GOLGA3: variants seen among roughly 807,000 people sequenced by gnomAD.
GOLGA3 encodes golgin A3.
GOLGA3 carries 75 observed loss-of-function variants against 169.4 expected under a neutral mutation model. That is an observed-to-expected ratio of 0.44 (90% CI 0.37 to 0.54). The LOEUF (loss-of-function observed/expected upper bound fraction) is 0.54. Among genes scored for constraint, GOLGA3 ranks in the 20% least tolerant of loss-of-function variants. The pLI is 0.00. For missense variants in GOLGA3, 1,899 were observed against 1,930.0 expected (o/e 0.98, Z 0.30); for synonymous variants, 824 against 822.4 (o/e 1.00, Z -0.03).
Position 132,770,592 on chromosome 12 carries a change from GCTCCCCACTGAAT to G in GOLGA3, c.*2500_*2512del, listed in dbSNP as rs2044856886. ...GACTTCCCATAAGCAAGGAGAAGTC[GCTCCCCACTGAAT>G]GTGTGATTTCTCGATTTTAGATTTT... On this transcript the variant is annotated 3_prime_UTR_variant, in exon 24 of 24. Coordinates refer to ENST00000450791, the MANE Select transcript of GOLGA3 (RefSeq NM_001389683.1). 6.6e-6 allele frequency: 1 copy of G among 152,094 alleles called. No homozygotes were observed. 9.4% of individuals were successfully genotyped at this position (152,094 alleles called of 1,614,324 possible).
At position 132,777,395 on chromosome 12, in the gene GOLGA3, C is replaced by G. The variant is rs925983734; in HGVS notation, c.3722+271G>C. Among the ~76,000 whole-genome samples the G allele has an allele frequency of 6.6e-6, 1 of 152,074 alleles. No individual in the cohort carries two copies. The highest frequency in any genetic ancestry group is 1.5e-5 in the Non-Finnish European group (1 of 68,018). ...CATGGGACCCACAGAGCCACAGCAT[C>G]AGCCCCGCGCCGGGCCGCCCCTTCC... On this transcript the variant is annotated intron_variant, in intron 19 of 23. Transcript: ENST00000450791. The surrounding 1 kb of genome is among the most constrained non-coding windows in gnomAD (Gnocchi z 4.7).
chr12:132,813,292 G>A lies in GOLGA3; in HGVS notation c.519+15C>T. ...GGAAGCTTTCCATGAGCTTGTTCGG[G>A]AGAGGGAGACTCACCCTCTCCTGCT... On this transcript the variant is annotated intron_variant, in intron 4 of 23. Transcript: ENST00000450791. 2.6e-6 allele frequency: 4 copies of A among 1,534,210 alleles called. No individual in the cohort carries two copies. The highest frequency in any genetic ancestry group is 1.8e-4 in the Middle Eastern group (1 of 5,514).
intron 11 of GOLGA3, 81 bp downstream of exon 11, chr12:132,795,771 A>C (rs1948797198): frequency 7.0e-7 from 1 of 1,428,128 alleles, no homozygotes; most frequent in Admixed American, 2.1e-5. Flanking sequence ...AAAAAAAAGA[A>C]AGAAAGAAAG....
intron 7 of GOLGA3, among the ~76,000 whole-genome samples, chr12:132,802,293 C>T (rs941904297): frequency 3.3e-5 from 5 of 152,048 alleles, no homozygotes; most frequent in Non-Finnish European, 7.4e-5. Flanking sequence ...TCATTCACAC[C>T]GAGCTCACGG....
At chr12:132,825,527 T>C (rs1950375593) in intron 1 of GOLGA3, among the ~76,000 whole-genome samples, 1 of 152,262 alleles carries the variant, frequency 6.6e-6, no homozygotes, top group African/African-American at 2.4e-5. Flanking sequence ...GCTACAAAGC[T>C]AATGGTTCCA....
In GOLGA3 at chr12:132,801,860, C is replaced by A; in HGVS notation, c.1707G>T (p.Ser569=). Residue 569 remains serine (S), a synonymous_variant, in exon 8 of 24, where the codon TCG becomes TCT. Transcript: ENST00000450791. ...ACCACTGCCGGACACTCTGCAGGGA[C>A]GAGATCTCCGCCTGCGACGCCTTCA... ...SKLKASQAEI[S]SLQSVRQWYQ... The A allele has an allele frequency of 6.2e-7, 1 of 1,606,146 alleles. No individual in the cohort carries two copies. The highest frequency in any genetic ancestry group is 1.1e-5 in the South Asian group (1 of 91,074).
At chr12:132,795,809 A>T (rs4758905) in intron 11 of GOLGA3, 43 bp downstream of exon 11, 207 of 1,565,256 alleles carry the variant, frequency 1.3e-4, no homozygotes, top group Admixed American at 9.0e-5. Context: ...CATTCCTGCA[A>T]GGAGGGTTCT....
Position 132,818,897 on chromosome 12 carries a change from G to A in GOLGA3, c.134-2085C>T, listed in dbSNP as rs1028369252. Among the ~76,000 whole-genome samples the A allele has an allele frequency of 2.0e-5, 3 of 152,162 alleles. No homozygotes were observed. The East Asian group carries it at 5.8e-4, about 29-fold the overall frequency. On this transcript the variant is annotated intron_variant, in intron 2 of 23. Transcript: ENST00000450791. ...GGACCAGTGACAATTCTATACCCAC[G>A]TGTTACCTCAGTTCACCCACTAAAA...
intron 12 of GOLGA3, 106 bp from the exon 13 acceptor site, chr12:132,789,396 A>G: frequency 1.0e-6 from 1 of 954,854 alleles, no homozygotes; most frequent in Non-Finnish European, 1.5e-6. Flanking sequence ...TATCGGGGGC[A>G]TAACTTTTTT....
chr12:132,796,291 G>C (rs566264140), intron 10 of GOLGA3, 71 bp from the exon 11 acceptor site: 11 of 1,493,258 alleles, frequency 7.4e-6, no homozygotes, highest in African/African-American at 7.0e-5. Flanking sequence ...TTTCCTGTTC[G>C]GGTTTCAAGT....
Position 132,808,043 on chromosome 12 carries a change from G to A in GOLGA3, c.1026C>T (p.Pro342=). Residue 342 remains proline, a synonymous_variant, in exon 5 of 24, where the codon CCC becomes CCT. Coordinates refer to ENST00000450791, the MANE Select transcript of GOLGA3 (RefSeq NM_001389683.1). ...LSKTVGTQDT[P]YMVNGQEIPA... ...GAATCTCCTGGCCGTTGACCATATA[G>A]GGGGTGTCCTGCGTGCCCACTGTCT... 1 of 1,605,082 alleles carries A rather than the reference G, an allele frequency of 6.2e-7. No homozygotes were observed. The highest frequency in any genetic ancestry group is 1.1e-5 in the South Asian group (1 of 90,082).
At chr12:132,799,087 G>C (rs114017726) in intron 8 of GOLGA3, among the ~76,000 whole-genome samples, 2 of 152,204 alleles carry the variant, frequency 1.3e-5, no homozygotes, top group Non-Finnish European at 2.9e-5. Context: ...AGACCTGCCC[G>C]CATCGCCTCT....
Position 132,786,751 on chromosome 12 carries a change from T to G in GOLGA3, c.2848A>C (p.Thr950Pro). The change falls in exon 14 of 24, where the codon ACA (threonine) becomes CCA (proline). Residue 950 changes from threonine (T) to proline (P), a missense_variant. Physicochemically the swap from Thr to Pro is conservative, Grantham distance 38. Transcript: ENST00000450791. ...TTCTTCAGCGCCTCATTGGCCTCTG[T>G]GACCGCGACCATCTGCTCCTTATCG... The part of the protein sequence containing the change: ...QFDKEQMVAV[T>P]EANEALKKQI... The G allele has an allele frequency of 6.2e-7, 1 of 1,613,448 alleles. No homozygotes were observed. The highest frequency in any genetic ancestry group is 8.5e-7 in the Non-Finnish European group (1 of 1,179,692).
At chr12:132,780,060 C>G (rs1433825345) in intron 18 of GOLGA3, among the ~76,000 whole-genome samples, 1 of 141,524 alleles carries the variant, frequency 7.1e-6, no homozygotes, top group Non-Finnish European at 1.5e-5. Context: ...CGCACATACA[C>G]ACACACACCC....
intron 1 of GOLGA3, among the ~76,000 whole-genome samples, chr12:132,825,007 G>A (rs1950352085): frequency 6.6e-6 from 1 of 152,172 alleles, no homozygotes; most frequent in South Asian, 2.1e-4. Flanking sequence ...TTTGACAGAT[G>A]AATTACAAAC....
At chr12:132,788,439 G>A (rs112409057) in intron 13 of GOLGA3, among the ~76,000 whole-genome samples, 4 of 152,136 alleles carry the variant, frequency 2.6e-5, no homozygotes, top group East Asian at 1.9e-4. Flanking sequence ...CCTGGACTGC[G>A]GCCTCCGTCC....
intron 8 of GOLGA3, 103 bp from the exon 9 acceptor site, chr12:132,798,580 CCT>C: frequency 9.9e-7 from 1 of 1,006,500 alleles, no homozygotes; most frequent in Non-Finnish European, 1.5e-6. Context: ...CTGGCTGCCC[CCT>C]CAGTGTCTCC....
intron 13 of GOLGA3, among the ~76,000 whole-genome samples, chr12:132,787,712 C>T (rs1294017752): frequency 1.2e-5 from 1 of 80,584 alleles, no homozygotes; most frequent in African/African-American, 6.0e-5. Context: ...GACCCCGGGA[C>T]CCCTCCCCGG....
At chr12:132,828,305 C>CT (rs1218668965) in intron 1 of GOLGA3, 1 of 152,296 alleles carries the variant, frequency 6.6e-6, no homozygotes, top group Non-Finnish European at 1.5e-5. Flanking sequence ...CGCCACACGA[C>CT]TGACATTCGT....
Sources: gnomAD v4.1 joint callset for allele counts (sites outside exome capture counted in the v4.1 genomes callset) on GRCh38, gnomAD v4.1.1 for gene constraint, Gnocchi (gnomAD v3.1) non-coding constraint, MANE v1.5 for transcripts, NCBI Gene and HGNC (gene_info 2026-07-23, HGNC 2026-07-21) for gene names.